The following DTD1 variants were observed in gnomAD, a reference collection of about 807,000 sequenced individuals.
DTD1 encodes the protein D-aminoacyl-tRNA deacylase 1.
Under a neutral mutation model 25.6 loss-of-function variants are expected in DTD1, and 13 were observed. The ratio of observed to expected loss-of-function variants is 0.51; its 90% CI spans 0.33 to 0.81. DTD1 has a LOEUF of 0.81. Among genes scored for constraint, DTD1 ranks in the 30% least tolerant of loss-of-function variants. DTD1 has a pLI of 0.02. For missense variants in DTD1, 193 were observed against 266.4 expected, an observed-to-expected ratio of 0.72 and a Z score of 1.92; for synonymous variants, 110 against 103.6, an observed-to-expected ratio of 1.06 and a Z score of -0.37.
At chr20:18,632,816 T>C (rs2060793632) in intron 4 of DTD1, 1 of 300,548 alleles carries the variant, frequency 3.3e-6, no homozygotes, top group African/African-American at 2.3e-5. Context: ...TATGTGTGCA[T>C]ATGTGTATGT....
Position 18,758,237 on chromosome 20 carries a change from G to A in DTD1, c.*20-5123G>A, listed in dbSNP as rs541203481. ...CAAAAAACCAGCTCCTGGATTCATT[G>A]ATTTTTTGAAGGGTTTTTTGTGTCT... On this transcript the variant is annotated intron_variant, in intron 5 of 5. Transcript: ENST00000377452. 2.6e-5 allele frequency among the ~76,000 whole-genome samples: 4 copies of A among 152,024 alleles called. No homozygotes were observed. The South Asian group carries it at 6.3e-4, about 24-fold the overall frequency.
Position 18,596,123 on chromosome 20 carries a change from T to C in DTD1, c.252T>C (p.Cys84=). 6.2e-7 allele frequency: 1 copy of C among 1,614,172 alleles called. No homozygotes were observed. Among genetic ancestry groups the C allele is most frequent in the South Asian group, 1.1e-5 (1 of 91,088 alleles). The stretch of plus-strand genomic sequence containing the variant: ...GTGTCAGCCAGTTTACCCTCCAGTG[T>C]GTCCTGAAGGGAAACAAGCCTGATT... The part of the protein sequence containing the change: ...ILCVSQFTLQ[C]VLKGNKPDFH... The change falls in exon 3 of 6, where the codon TGT becomes TGC. Residue 84 remains cysteine (C), a synonymous_variant. Coordinates refer to ENST00000377452, the MANE Select transcript of DTD1 (RefSeq NM_080820.6).
chr20:18,739,775 T>C (rs6081341), intron 4 of DTD1, among the ~76,000 whole-genome samples: 119,684 of 152,016 alleles, frequency 0.79, 49,140 homozygotes, highest in Non-Finnish European at 0.92. Flanking sequence ...GCTTTCTTGC[T>C]TTGAGATGTA....
intron 4 of DTD1, among the ~76,000 whole-genome samples, chr20:18,708,362 A>ATT (rs1485046946): frequency 3.9e-5 from 2 of 51,174 alleles, no homozygotes; most frequent in Non-Finnish European, 7.4e-5. Context: ...ATCTATATAT[A>ATT]TATTTTTTTT....
At chr20:18,694,401 T>C (rs974863976) in intron 4 of DTD1, among the ~76,000 whole-genome samples, 3 of 152,188 alleles carry the variant, frequency 2.0e-5, no homozygotes, top group Non-Finnish European at 2.9e-5. Flanking sequence ...TTGGTCCCTT[T>C]GCCTCTCTGA....
chr20:18,758,249 G>T (rs1260365243), intron 5 of DTD1, among the ~76,000 whole-genome samples: 1 of 151,934 alleles, frequency 6.6e-6, no homozygotes, highest in Non-Finnish European at 1.5e-5. Context: ...TTTTTTGAAG[G>T]GTTTTTTGTG....
At position 18,764,216 on chromosome 20, in the gene DTD1, G is replaced by C. The variant is rs2061373368; in HGVS notation, c.*876G>C. 6.6e-6 allele frequency: 1 copy of C among 152,252 alleles called. No homozygotes were observed. The highest frequency in any genetic ancestry group is 1.5e-5 in the Non-Finnish European group (1 of 68,102). The allele number at this position is 152,252 out of a possible 1,614,324, so 9.4% of individuals were successfully genotyped here. A position where few individuals can be genotyped will look rare whatever the true frequency, so the allele number is the denominator to read the frequency against. ...GCCACATCTGGTGTATCCAGCTTTG[G>C]GAGGTGGAGGAAGGCCTCAGCATGG... On this transcript the variant is annotated 3_prime_UTR_variant, in exon 6 of 6. Transcript: ENST00000377452.
chr20:18,740,093 G>C (rs1404021379), intron 4 of DTD1, among the ~76,000 whole-genome samples: 1 of 152,142 alleles, frequency 6.6e-6, no homozygotes, highest in Non-Finnish European at 1.5e-5. Flanking sequence ...CTCTGCCTCA[G>C]CACAGAGTCG....
At chr20:18,728,352 T>C (rs534057181) in intron 4 of DTD1, among the ~76,000 whole-genome samples, 1 of 152,320 alleles carries the variant, frequency 6.6e-6, no homozygotes, top group South Asian at 2.1e-4. Context: ...CCACTCGAAC[T>C]CTGATTGAAA....
chr20:18,701,214 C>T (rs1245763517), intron 4 of DTD1, among the ~76,000 whole-genome samples: 1 of 152,110 alleles, frequency 6.6e-6, no homozygotes, highest in Admixed American at 6.5e-5. Flanking sequence ...TGGGTGGGCA[C>T]TCTGGGCCAC....
chr20:18,732,232 A>G (rs1335273020), intron 4 of DTD1, among the ~76,000 whole-genome samples: 1 of 152,248 alleles, frequency 6.6e-6, no homozygotes, highest in Non-Finnish European at 1.5e-5. Flanking sequence ...ATTTTGAATC[A>G]CTTAAAGAAC....
intron 4 of DTD1, among the ~76,000 whole-genome samples, chr20:18,712,636 T>C (rs1412239221): frequency 6.6e-6 from 1 of 152,038 alleles, no homozygotes; most frequent in Non-Finnish European, 1.5e-5. Flanking sequence ...CCCACAGGCT[T>C]TTCAATAAAG....
At position 18,745,738 on chromosome 20, in the gene DTD1, A is replaced by G. The variant is rs899319485; in HGVS notation, c.*19+1467A>G. Among the ~76,000 whole-genome samples the G allele has an allele frequency of 2.6e-4, 40 of 152,202 alleles. 1 individual carries two copies. The highest frequency in any genetic ancestry group is 9.6e-4 in the African/African-American group (40 of 41,454). On this transcript the variant is annotated intron_variant, in intron 5 of 5. Transcript: ENST00000377452. ...CAAGTGGAGTGGGAGGGCAGGGAGC[A>G]TCTCTGAACTTAGAGAAATAGGAGG...
At chr20:18,702,363 T>C in intron 4 of DTD1, among the ~76,000 whole-genome samples, 1 of 152,246 alleles carries the variant, frequency 6.6e-6, no homozygotes, top group South Asian at 2.1e-4. Context: ...GCTATTTGGC[T>C]TTATCCTTGT....
chr20:18,624,532 G>A (rs1479606036), intron 3 of DTD1, among the ~76,000 whole-genome samples: 1 of 152,168 alleles, frequency 6.6e-6, no homozygotes, highest in African/African-American at 2.4e-5. Context: ...GGCCATGCTC[G>A]ATTGAGTCTG....
chr20:18,710,204 A>G (rs1179061521), intron 4 of DTD1, among the ~76,000 whole-genome samples: 1 of 152,230 alleles, frequency 6.6e-6, no homozygotes, highest in African/African-American at 2.4e-5. Context: ...AGAAATTTTG[A>G]TAGAACTGAC....
chr20:18,644,565 T>G (rs1018875146), intron 4 of DTD1, among the ~76,000 whole-genome samples: 22 of 152,334 alleles, frequency 1.4e-4, no homozygotes, highest in African/African-American at 5.1e-4. Flanking sequence ...TTTCATGTCT[T>G]TCTTAATAGA....
chr20:18,588,271 C>T (rs1241760515), intron 1 of DTD1, among the ~76,000 whole-genome samples, 156 bp downstream of exon 1: 1 of 151,832 alleles, frequency 6.6e-6, no homozygotes, highest in Non-Finnish European at 1.5e-5. Context: ...GCCGCGAGTC[C>T]CCAGGGCCGG....
At chr20:18,737,665 C>T (rs1291354708) in intron 4 of DTD1, among the ~76,000 whole-genome samples, 1 of 152,240 alleles carries the variant, frequency 6.6e-6, no homozygotes, top group Admixed American at 6.5e-5. Flanking sequence ...AGAGCCAACA[C>T]TAGGCTTGTG....
Sources: gnomAD v4.1 joint callset for allele counts (sites outside exome capture counted in the v4.1 genomes callset) on GRCh38, gnomAD v4.1.1 for gene constraint, MANE v1.5 for transcripts, NCBI Gene and HGNC (gene_info 2026-07-23, HGNC 2026-07-21) for gene names.